STKLD1: variants seen among roughly 807,000 people sequenced by gnomAD.
STKLD1 encodes serine/threonine kinase like domain containing 1.
In STKLD1, 79 loss-of-function variants were observed where a neutral mutation model predicts 80.4. That is an observed-to-expected ratio of 0.98 (90% CI 0.82 to 1.19). The LOEUF is 1.19. Ranked by LOEUF, STKLD1 falls within the 50% of genes most tolerant of loss-of-function variation. STKLD1 has a pLI of 0.00. For missense variants in STKLD1, 841 were observed against 856.0 expected (o/e 0.98, Z 0.22); for synonymous variants, 393 against 357.6 (o/e 1.10, Z -1.12).
intron 1 of STKLD1, among the ~76,000 whole-genome samples, chr9:133,378,539 T>TC (rs1244689063): frequency 1.3e-5 from 2 of 152,212 alleles, no homozygotes; most frequent in African/African-American, 4.8e-5. Flanking sequence ...GCCTCAGTTT[T>TC]CCCCAATGTA....
At position 133,379,876 on chromosome 9, in the gene STKLD1, G is replaced by A. The variant is rs926824209; in HGVS notation, c.174+754G>A. 2.0e-5 allele frequency among the ~76,000 whole-genome samples: 3 copies of A among 152,222 alleles called. 1 individual carries two copies. The highest frequency in any genetic ancestry group is 2.0e-4 in the Admixed American group (3 of 15,288). ...GAGCCTTGTCAGCAGCTGCTACTGG[G>A]CCAGGCCTCAGTCCGTACAGCTCCG... is the stretch of plus-strand genomic sequence containing the variant. On this transcript the variant is annotated intron_variant, in intron 2 of 17. Transcript: ENST00000371957.
chr9:133,392,347 G>A (rs1043584035), intron 7 of STKLD1, among the ~76,000 whole-genome samples: 2 of 151,940 alleles, frequency 1.3e-5, no homozygotes, highest in Admixed American at 6.6e-5. Context: ...GATTACAGGC[G>A]TGAACCACCG....
intron 12 of STKLD1, 21 bp from the exon 13 acceptor site, chr9:133,401,717 G>T (rs587668246): frequency 1.2e-6 from 2 of 1,606,478 alleles, no homozygotes; most frequent in Admixed American, 3.4e-5. Context: ...AACCCCAGGC[G>T]TCTTCCTCTG....
rs2130285064 is a variant in STKLD1 at position 133,389,769 on chromosome 9, T to C, written c.467+173T>C. On this transcript the variant is annotated intron_variant, in intron 6 of 17. Coordinates refer to ENST00000371957, the MANE Select transcript of STKLD1 (RefSeq NM_153710.5). The surrounding 1 kb of genome is among the most constrained non-coding windows in gnomAD (Gnocchi z 6.4). ...AGCTCCTCCCGGGCTTGAAAGAGGC[T>C]CTTCCAAGTGGTCTCAAGCCATGTG... 4.6e-5 allele frequency among the ~76,000 whole-genome samples: 7 copies of C among 152,278 alleles called. No individual in the cohort carries two copies. Among genetic ancestry groups the C allele is most frequent in the Non-Finnish European group, 4.4e-5 (3 of 68,022 alleles).
In STKLD1 at chr9:133,405,893, CTA is replaced by C. The variant is rs1838849300; in HGVS notation, c.*473_*474del. ...CGCATCTCACACTCCTCTTAGGTGA[CTA>C]ATAAAGAGGCCCAAGGCCAGTTTCT... On this transcript the variant is annotated 3_prime_UTR_variant, in exon 18 of 18. Transcript: ENST00000371957. 1 of 154,600 alleles carries C rather than the reference CTA, an allele frequency of 6.5e-6. No individual in the cohort carries two copies. Among genetic ancestry groups the C allele is most frequent in the African/African-American group, 2.4e-5 (1 of 41,460 alleles). 9.6% of individuals were successfully genotyped at this position (154,600 alleles called of 1,614,324 possible). A position where few individuals can be genotyped will look rare whatever the true frequency, so the allele number is the denominator to read the frequency against.
At chr9:133,392,511 A>G (rs114807712) in intron 7 of STKLD1, among the ~76,000 whole-genome samples, 1 of 145,768 alleles carries the variant, frequency 6.9e-6, no homozygotes, top group Non-Finnish European at 1.5e-5. Context: ...GGATAGATGG[A>G]TGAATAGGTG....
At chr9:133,387,172 A>G (rs2130278949) in intron 4 of STKLD1, among the ~76,000 whole-genome samples, 8,580 of 152,260 alleles carry the variant, frequency 0.056, 329 homozygotes, top group Non-Finnish European at 0.087. Flanking sequence ...AGAGGGGTCC[A>G]TGTGTGCAGT....
rs1838583478 is a variant in STKLD1, at chr9:133,397,169, T to C, written c.872T>C (p.Val291Ala). Reference sequence around the variant, plus strand: ...CCTCTCTGCTCCTCTGCTAGGGACGTGGTGCACATCACCTTCTTGAGAGGC... The same window carrying C: ...CCTCTCTGCTCCTCTGCTAGGGACGCGGTGCACATCACCTTCTTGAGAGGC... The part of the protein sequence containing the change: ...DPSDRITIKD[V>A]VHITFLRGSF... Residue 291 changes from valine to alanine, a missense_variant, in exon 10 of 18, where the codon GTG (valine) becomes GCG (alanine). Coordinates refer to ENST00000371957, the MANE Select transcript of STKLD1 (RefSeq NM_153710.5). 4 of 1,613,856 alleles carry C rather than the reference T, an allele frequency of 2.5e-6. No homozygotes were observed. The highest frequency in any genetic ancestry group is 4.5e-5 in the East Asian group (2 of 44,778).
At chr9:133,381,185 C>T (rs1179988864) in intron 2 of STKLD1, among the ~76,000 whole-genome samples, 1 of 122,534 alleles carries the variant, frequency 8.2e-6, no homozygotes, top group African/African-American at 3.2e-5. Context: ...GTTGCCCAGG[C>T]TGGAGTACAG....
chr9:133,401,457 G>A (rs1227123895), intron 12 of STKLD1, among the ~76,000 whole-genome samples: 2 of 152,120 alleles, frequency 1.3e-5, no homozygotes, highest in South Asian at 2.1e-4. Flanking sequence ...TTCACTGTTG[G>A]AAGTTTGGAG....
At chr9:133,386,500 G>A (rs2130277704) in intron 4 of STKLD1, among the ~76,000 whole-genome samples, 2 of 152,240 alleles carry the variant, frequency 1.3e-5, no homozygotes, top group African/African-American at 4.8e-5. Context: ...CAGCCCCTGT[G>A]CAGCTTACTG....
chr9:133,376,451 C>T lies in STKLD1; in HGVS notation c.-23C>T. 6.4e-7 allele frequency: 1 copy of T among 1,560,808 alleles called. No homozygotes were observed. On this transcript the variant is annotated 5_prime_UTR_variant, in exon 1 of 18. Transcript: ENST00000371957. ...GGGTGGGGCCAGGGGTGGACGCTCGCCCGTACGCGGTCGCTACTGATCATG... is the reference window on the plus strand; with the variant it reads ...GGGTGGGGCCAGGGGTGGACGCTCGTCCGTACGCGGTCGCTACTGATCATG...
intron 10 of STKLD1, among the ~76,000 whole-genome samples, chr9:133,397,508 A>C (rs1256802694): frequency 1.3e-5 from 2 of 152,222 alleles, no homozygotes; most frequent in South Asian, 4.1e-4. Context: ...CCAACTACCT[A>C]TAACACAAAG....
chr9:133,398,067 C>A lies in STKLD1; in HGVS notation c.1081+12C>A. 1 of 1,611,980 alleles carries A rather than the reference C, an allele frequency of 6.2e-7. No homozygotes were observed. Among genetic ancestry groups the A allele is most frequent in the East Asian group, 2.2e-5 (1 of 44,874 alleles). On this transcript the variant is annotated intron_variant, in intron 11 of 17. Transcript: ENST00000371957. Reference sequence around the variant, plus strand: ...TGCAGATCAGCTAGGTAGGCCCCACCCTGCACCCCTTTCCCAGCTGCTCCC... The same window carrying A: ...TGCAGATCAGCTAGGTAGGCCCCACACTGCACCCCTTTCCCAGCTGCTCCC...
chr9:133,404,730 G>A, intron 16 of STKLD1, 59 bp from the exon 17 acceptor site: 1 of 1,590,708 alleles, frequency 6.3e-7, no homozygotes. Flanking sequence ...GTCCTGGGCA[G>A]AAGGCTCTTC....
chr9:133,403,642 G>A, intron 14 of STKLD1, 58 bp from the exon 15 acceptor site: 2 of 1,560,752 alleles, frequency 1.3e-6, no homozygotes, highest in Non-Finnish European at 1.7e-6. Context: ...GGATGGGAAG[G>A]CCCCCCTGCA....
In STKLD1 at chr9:133,376,402, C is replaced by G; in HGVS notation, c.-72C>G. ...GGGCGCCGTTCGGGCGGGGAGGATC[C>G]CGCGGGTCCCACTGACCCACGCGGG... On this transcript the variant is annotated 5_prime_UTR_variant, in exon 1 of 18. Coordinates refer to ENST00000371957, the MANE Select transcript of STKLD1 (RefSeq NM_153710.5). The G allele has an allele frequency of 3.4e-6, 5 of 1,459,894 alleles. No homozygotes were observed. The highest frequency in any genetic ancestry group is 4.5e-6 in the Non-Finnish European group (5 of 1,104,100). 90.4% of individuals were successfully genotyped at this position (1,459,894 alleles called of 1,614,324 possible). A position where few individuals can be genotyped will look rare whatever the true frequency, so the allele number is the denominator to read the frequency against.
rs1838331238 is a variant in STKLD1, at chr9:133,389,315, T to TCGC, written c.397-210_397-209insGCC. On this transcript the variant is annotated intron_variant, in intron 5 of 17. Coordinates refer to ENST00000371957, the MANE Select transcript of STKLD1 (RefSeq NM_153710.5). The surrounding 1 kb of genome is among the most constrained non-coding windows in gnomAD (Gnocchi z 6.4). ...AGACAGCAGTGTGGAGTCTGGAAAC[T>TCGC]CAGAGTCCTTCTGGCTGCCGCCGCG... 2.0e-6 allele frequency: 2 copies of TCGC among 985,156 alleles called. No homozygotes were observed. The highest frequency in any genetic ancestry group is 3.5e-5 in the African/African-American group (2 of 57,182). The allele number at this position is 985,156 out of a possible 1,614,324, so 61.0% of individuals were successfully genotyped here. A position where few individuals can be genotyped will look rare whatever the true frequency, so the allele number is the denominator to read the frequency against.
rs1000899095 is a variant in STKLD1 at position 133,388,912 on chromosome 9, C to T, written c.397-614C>T. 1.1e-5 allele frequency: 11 copies of T among 985,206 alleles called. No homozygotes were observed. In the African/African-American group the frequency reaches 1.9e-4, roughly 17 times the overall value. The allele number at this position is 985,206 out of a possible 1,614,324, so 61.0% of individuals were successfully genotyped here. A position where few individuals can be genotyped will look rare whatever the true frequency, so the allele number is the denominator to read the frequency against. On this transcript the variant is annotated intron_variant, in intron 5 of 17. Coordinates refer to ENST00000371957, the MANE Select transcript of STKLD1 (RefSeq NM_153710.5). ...AAGCCCTTCAAAACACGAAATATTC[C>T]CAGAAACCCAGTAAGTGCAGCAGAC...
Sources: allele counts gnomAD v4.1 joint callset (sites outside exome capture counted in the v4.1 genomes callset), GRCh38; gene constraint gnomAD v4.1.1; non-coding constraint Gnocchi (gnomAD v3.1); transcripts MANE v1.5; gene names NCBI Gene and HGNC (gene_info 2026-07-23, HGNC 2026-07-21).